Variants in ESRRA observed in about 807,000 individuals in gnomAD.
The protein encoded by ESRRA is steroid hormone receptor ERR1.
In ESRRA, 7 loss-of-function variants were observed where a neutral mutation model predicts 35.6. The ratio of observed to expected loss-of-function variants is 0.20; its 90% CI spans 0.11 to 0.37. The LOEUF (loss-of-function observed/expected upper bound fraction) is 0.37, where lower values mean the gene tolerates loss of function less well. Among genes scored for constraint, ESRRA ranks in the 10% least tolerant of loss-of-function variants. ESRRA has a pLI of 1.00. For synonymous variants in ESRRA, 223 were observed against 246.9 expected (o/e 0.90, Z 0.91); for missense variants, 378 against 561.7 (o/e 0.67, Z 3.31).
At chr11:64,312,439 C>T (rs762280621) in intron 2 of ESRRA, among the ~76,000 whole-genome samples, 10 of 152,172 alleles carry the variant, frequency 6.6e-5, no homozygotes, top group Non-Finnish European at 1.0e-4. Flanking sequence ...CGTGCCCGGC[C>T]GTGGTGTCTT....
At chr11:64,312,096 AGCCTCCGG>A (rs2035152404) in intron 2 of ESRRA, among the ~76,000 whole-genome samples, 1 of 148,870 alleles carries the variant, frequency 6.7e-6, no homozygotes, top group South Asian at 2.1e-4. Flanking sequence ...CTCCTGCCTC[AGCCTCCGG>A]AGCAGCTGGG....
chr11:64,309,893 C>T (rs908497450), intron 2 of ESRRA, among the ~76,000 whole-genome samples: 1 of 145,610 alleles, frequency 6.9e-6, no homozygotes, highest in African/African-American at 2.6e-5. Flanking sequence ...GATCGTGCCA[C>T]TGCACTCCCA....
Position 64,309,106 on chromosome 11 carries a change from C to T in ESRRA, c.325+1602C>T, listed in dbSNP as rs2035091166. On this transcript the variant is annotated intron_variant, in intron 2 of 6. Coordinates refer to ENST00000000442, the MANE Select transcript of ESRRA (RefSeq NM_004451.5). ...AGCCTGCGCAACAAAAGTGAAACTC[C>T]ACCTCAAAAAACAAAAACAAAAACA... Among the ~76,000 whole-genome samples, 3 of 150,650 alleles carry T rather than the reference C, an allele frequency of 2.0e-5. No individual in the cohort carries two copies. In the South Asian group the frequency reaches 6.3e-4, roughly 31 times the overall value.
intron 5 of ESRRA, 42 bp downstream of exon 5, chr11:64,314,953 G>T: frequency 1.2e-6 from 2 of 1,602,918 alleles, no homozygotes; most frequent in Non-Finnish European, 1.7e-6. Flanking sequence ...GAACGGGCCC[G>T]GCTCTGGTGC....
chr11:64,312,072 G>A (rs1338460601), intron 2 of ESRRA, among the ~76,000 whole-genome samples: 1 of 146,012 alleles, frequency 6.8e-6, no homozygotes. Flanking sequence ...TCTGCCTCCC[G>A]GGTTCAAGCG....
At position 64,307,312 on chromosome 11, in the gene ESRRA, C is replaced by T. The variant is rs768035615; in HGVS notation, c.133C>T (p.Arg45Cys). 8.1e-6 allele frequency: 13 copies of T among 1,613,018 alleles called. No individual in the cohort carries two copies. The highest frequency in any genetic ancestry group is 4.5e-5 in the East Asian group (2 of 44,898). ...CCTGGCCCCTGGTCCAGCTCCCACT[C>T]GCTGCCTCCCAGGCCACAAGGAAGA... ...VALAPGPAPT[R>C]CLPGHKEEED... The change falls in exon 2 of 7, where the codon CGC becomes TGC. Residue 45 changes from arginine to cysteine, a missense_variant. Arg to Cys is a radical substitution (Grantham distance 180). Transcript: ENST00000000442.
At chr11:64,312,465 G>A (rs969540741) in intron 2 of ESRRA, among the ~76,000 whole-genome samples, 5 of 152,176 alleles carry the variant, frequency 3.3e-5, no homozygotes, top group Admixed American at 6.5e-5. Flanking sequence ...GAGTGCAGAA[G>A]CGCAAATAGG....
chr11:64,313,802 C>T lies in ESRRA; in HGVS notation c.326-149C>T. On this transcript the variant is annotated intron_variant, in intron 2 of 6. Coordinates refer to ENST00000000442, the MANE Select transcript of ESRRA (RefSeq NM_004451.5). This position sits in a 1 kb window ranked among gnomAD's most constrained non-coding sequence, Gnocchi z 4.0. The stretch of plus-strand genomic sequence containing the variant: ...GCTCCCCCGCCCAGCAGCCACTCCC[C>T]TCCCTGCCTGCTCATGGCCCCCTGC... 1 of 587,074 alleles carries T rather than the reference C, an allele frequency of 1.7e-6. No homozygotes were observed. The allele number at this position is 587,074 out of a possible 1,614,324, so 36.4% of individuals were successfully genotyped here.
Position 64,313,879 on chromosome 11 carries a change from G to T in ESRRA, c.326-72G>T. On this transcript the variant is annotated intron_variant, in intron 2 of 6. Coordinates refer to ENST00000000442, the MANE Select transcript of ESRRA (RefSeq NM_004451.5). This position sits in a 1 kb window ranked among gnomAD's most constrained non-coding sequence, Gnocchi z 4.0. ...ACCTGTGCTTGCCCGGGGAGAGTCA[G>T]GGCTCTCCTGTCAGCTGGGTCCCCT... 1 of 1,063,636 alleles carries T rather than the reference G, an allele frequency of 9.4e-7. No homozygotes were observed. Among genetic ancestry groups the T allele is most frequent in the Admixed American group, 2.2e-5 (1 of 44,578 alleles). 65.9% of individuals were successfully genotyped at this position (1,063,636 alleles called of 1,614,324 possible).
Position 64,307,212 on chromosome 11 carries a change from C to T in ESRRA, c.33C>T (p.Leu11=), listed in dbSNP as rs1194848387. The change falls in exon 2 of 7, where the codon CTC becomes CTT. Residue 11 remains leucine, a synonymous_variant. Coordinates refer to ENST00000000442, the MANE Select transcript of ESRRA (RefSeq NM_004451.5). MSSQVVGIEP[L]YIKAEPASPD... ...GCCAGGTGGTGGGCATTGAGCCTCT[C>T]TACATCAAGGCAGAGCCGGCCAGCC... 1.2e-6 allele frequency: 2 copies of T among 1,606,344 alleles called. No individual in the cohort carries two copies. Among genetic ancestry groups the T allele is most frequent in the Admixed American group, 3.4e-5 (2 of 59,496 alleles).
intron 2 of ESRRA, among the ~76,000 whole-genome samples, chr11:64,309,562 A>G (rs543866929): frequency 1.2e-4 from 18 of 151,832 alleles, no homozygotes; most frequent in Non-Finnish European, 2.2e-4. Context: ...TTGCCTGGGA[A>G]GGGCCTATTA....
In ESRRA at chr11:64,316,714, G is replaced by GA. The variant is rs567342412; in HGVS notation, c.*755dup. ...GCTTTTGGTTTTAAACCTTTAATGAGAAAAAAATATATAATACCGAGCTCA... is the reference window on the plus strand; with the variant it reads ...GCTTTTGGTTTTAAACCTTTAATGAGAAAAAAAATATATAATACCGAGCTCA... On this transcript the variant is annotated 3_prime_UTR_variant, in exon 7 of 7. Coordinates refer to ENST00000000442, the MANE Select transcript of ESRRA (RefSeq NM_004451.5). 8 of 631,766 alleles carry GA rather than the reference G, an allele frequency of 1.3e-5. No individual in the cohort carries two copies. The highest frequency in any genetic ancestry group is 7.4e-5 in the African/African-American group (4 of 54,282). 39.1% of individuals were successfully genotyped at this position (631,766 alleles called of 1,614,324 possible). A position where few individuals can be genotyped will look rare whatever the true frequency, so the allele number is the denominator to read the frequency against.
chr11:64,306,859 G>T (rs756737559), intron 1 of ESRRA: 140 of 272,952 alleles, frequency 5.1e-4, no homozygotes, highest in Non-Finnish European at 7.7e-4. Context: ...GGGGTTGAAG[G>T]TTGCCTGGGG....
Position 64,313,733 on chromosome 11 carries a change from T to A in ESRRA, c.326-218T>A, listed in dbSNP as rs1308604815. Reference sequence around the variant, plus strand: ...CCAGAGATGAGGCTTGGGGCTGAGATGCAGCCCCGCTGCCTGGTCCAGCTC... The same window carrying A: ...CCAGAGATGAGGCTTGGGGCTGAGAAGCAGCCCCGCTGCCTGGTCCAGCTC... On this transcript the variant is annotated intron_variant, in intron 2 of 6. Transcript: ENST00000000442. The surrounding 1 kb of genome is among the most constrained non-coding windows in gnomAD (Gnocchi z 4.0). The A allele has an allele frequency of 5.8e-6, 3 of 517,842 alleles. No individual in the cohort carries two copies. Among genetic ancestry groups the A allele is most frequent in the Non-Finnish European group, 1.0e-5 (3 of 288,424 alleles). 32.1% of individuals were successfully genotyped at this position (517,842 alleles called of 1,614,324 possible).
At position 64,315,729 on chromosome 11, in the gene ESRRA, C is replaced by T. The variant is rs774001253; in HGVS notation, c.1035C>T (p.Ala345=). ...ANSDSVHIED[A]EAVEQLREAL... is the part of the protein sequence containing the mutation. ...CAGACTCTGTGCACATCGAAGATGC[C>T]GAGGCTGTGGAGCAGCTGCGAGAAG... Residue 345 remains alanine, a synonymous_variant, in exon 7 of 7, where the codon GCC becomes GCT. Transcript: ENST00000000442. The T allele has an allele frequency of 3.9e-5, 63 of 1,613,922 alleles. 1 individual carries two copies. In the Middle Eastern group the frequency reaches 6.6e-4, roughly 17 times the overall value.
chr11:64,311,207 G>A (rs1419850467), intron 2 of ESRRA, among the ~76,000 whole-genome samples: 1 of 152,182 alleles, frequency 6.6e-6, no homozygotes, highest in Non-Finnish European at 1.5e-5. Context: ...GTCCCTGTTC[G>A]GCACAGACCT....
Position 64,314,009 on chromosome 11 carries a change from C to A in ESRRA, c.384C>A (p.Arg128=), listed in dbSNP as rs1033493487. The part of the protein sequence containing the change: ...SNECEITKRR[R]KACQACRFTK... ...AGTGTGAGATCACCAAGCGGAGACG[C>A]AAGGCCTGCCAGGCCTGCCGCTTCA... Residue 128 remains arginine (R), a synonymous_variant, in exon 3 of 7, where the codon CGC becomes CGA. Coordinates refer to ENST00000000442, the MANE Select transcript of ESRRA (RefSeq NM_004451.5). 5.1e-6 allele frequency: 8 copies of A among 1,581,242 alleles called. No homozygotes were observed. In the African/African-American group the frequency reaches 1.1e-4, roughly 21 times the overall value.
chr11:64,314,869 C>T lies in ESRRA; in HGVS notation c.700C>T (p.Arg234Ter). 7 of 1,612,392 alleles carry T rather than the reference C, an allele frequency of 4.3e-6. No homozygotes were observed. Among genetic ancestry groups the T allele is most frequent in the Non-Finnish European group, 5.9e-6 (7 of 1,180,012 alleles). ...AVATLCDLFD[R>*]EIVVTISWAK... ...GGCTACCCTCTGTGACCTCTTTGACCGAGAGATTGTGGTCACCATCAGCTG... is the reference window on the plus strand; with the variant it reads ...GGCTACCCTCTGTGACCTCTTTGACTGAGAGATTGTGGTCACCATCAGCTG... Residue 234 changes from arginine to a stop codon, truncating the protein, a stop_gained, in exon 5 of 7, where the codon CGA becomes TGA. Coordinates refer to ENST00000000442, the MANE Select transcript of ESRRA (RefSeq NM_004451.5). LOFTEE classifies it high-confidence loss of function.
Position 64,307,496 on chromosome 11 carries a change from C to A in ESRRA, c.317C>A (p.Thr106Asn). 6.6e-7 allele frequency: 1 copy of A among 1,510,720 alleles called. No individual in the cohort carries two copies. The highest frequency in any genetic ancestry group is 8.9e-7 in the Non-Finnish European group (1 of 1,128,070). 93.6% of individuals were successfully genotyped at this position (1,510,720 alleles called of 1,614,324 possible). A position where few individuals can be genotyped will look rare whatever the true frequency, so the allele number is the denominator to read the frequency against. ...CEACKAFFKR[T>N]IQGSIEYSCP... ...GCCTGCAAAGCCTTCTTCAAGAGGA[C>A]CATCCAGGGTGAGCCCCCAGCCCAC... Residue 106 changes from threonine to asparagine, a missense_variant, in exon 2 of 7, where the codon ACC becomes AAC. By Grantham distance (65) the Thr-to-Asn change is moderately conservative. Transcript: ENST00000000442.
Sources: allele counts gnomAD v4.1 joint callset (sites outside exome capture counted in the v4.1 genomes callset), GRCh38; gene constraint gnomAD v4.1.1; non-coding constraint Gnocchi (gnomAD v3.1); transcripts MANE v1.5; gene names NCBI Gene and HGNC (gene_info 2026-07-23, HGNC 2026-07-21).